The following RANBP10 variants were observed in gnomAD, a reference collection of about 807,000 sequenced individuals.
RANBP10 encodes the protein ran-binding protein 10.
Under a neutral mutation model 72.8 loss-of-function variants are expected in RANBP10, and 24 were observed. That is an observed-to-expected ratio of 0.33 (90% CI 0.24 to 0.46). RANBP10 has a LOEUF of 0.46. Ranked by LOEUF, RANBP10 falls within the 20% of genes least tolerant of loss-of-function variation. RANBP10 has a pLI of 1.00. For synonymous variants in RANBP10, 310 were observed against 322.3 expected, an observed-to-expected ratio of 0.96 and a Z score of 0.41; for missense variants, 679 against 817.5, an observed-to-expected ratio of 0.83 and a Z score of 2.07.
In RANBP10 at chr16:67,726,519, G is replaced by A; in HGVS notation, c.1772C>T (p.Ala591Val). The change falls in exon 14 of 14, where the codon GCC becomes GTC. Residue 591 changes from alanine to valine, a missense_variant. Coordinates refer to ENST00000317506, the MANE Select transcript of RANBP10 (RefSeq NM_020850.3). ...GAGACACTCAGATGCCTGGCCCAGG[G>A]CGAGCATCAGAGGGGGCTGCTTTGG... is the stretch of plus-strand genomic sequence containing the variant. ...NLPKQPPLML[A>V]LGQASECLRL... 1 of 1,575,420 alleles carries A rather than the reference G, an allele frequency of 6.3e-7. No individual in the cohort carries two copies. Among genetic ancestry groups the A allele is most frequent in the Non-Finnish European group, 8.6e-7 (1 of 1,160,218 alleles).
intron 3 of RANBP10, among the ~76,000 whole-genome samples, chr16:67,764,726 C>T (rs2054464162): frequency 6.6e-6 from 1 of 152,150 alleles, no homozygotes; most frequent in South Asian, 2.1e-4. Flanking sequence ...AATAAACAGA[C>T]ATATGTCATT....
chr16:67,748,578 A>G (rs2054132960), intron 3 of RANBP10, among the ~76,000 whole-genome samples: 1 of 151,906 alleles, frequency 6.6e-6, no homozygotes, highest in South Asian at 2.1e-4. Context: ...ATATATTACT[A>G]TTATTTGTAC....
intron 3 of RANBP10, among the ~76,000 whole-genome samples, chr16:67,753,051 G>A (rs2054225480): frequency 6.6e-6 from 1 of 151,760 alleles, no homozygotes. Flanking sequence ...ACCAGCCTGG[G>A]CAACATGGTG....
chr16:67,734,525 A>G (rs1425436745), intron 6 of RANBP10, among the ~76,000 whole-genome samples: 2 of 152,250 alleles, frequency 1.3e-5, no homozygotes, highest in Admixed American at 1.3e-4. Flanking sequence ...AAAAGGGTCC[A>G]CAGAGGAAGA....
intron 2 of RANBP10, among the ~76,000 whole-genome samples, chr16:67,794,849 C>T (rs1215842611): frequency 7.1e-6 from 1 of 141,840 alleles, no homozygotes; most frequent in Non-Finnish European, 1.5e-5. Flanking sequence ...TATTCTTTAA[C>T]AGTTAAAAAA....
At chr16:67,752,101 G>T (rs1022836885) in intron 3 of RANBP10, among the ~76,000 whole-genome samples, 1 of 152,040 alleles carries the variant, frequency 6.6e-6, no homozygotes, top group Non-Finnish European at 1.5e-5. Flanking sequence ...TTTCCCAGAG[G>T]GGAAAAATAC....
intron 2 of RANBP10, among the ~76,000 whole-genome samples, chr16:67,793,398 G>A (rs1340924110): frequency 6.8e-6 from 1 of 147,052 alleles, no homozygotes; most frequent in Admixed American, 7.1e-5. Flanking sequence ...TGCAACCTCC[G>A]CTTCCCAGGT....
At chr16:67,748,118 C>T (rs2054123306) in intron 3 of RANBP10, among the ~76,000 whole-genome samples, 1 of 151,910 alleles carries the variant, frequency 6.6e-6, no homozygotes. Context: ...AGCCACTGCG[C>T]CCGGCCCTCA....
chr16:67,794,423 C>T (rs982166058), intron 2 of RANBP10, among the ~76,000 whole-genome samples: 1 of 150,738 alleles, frequency 6.6e-6, no homozygotes, highest in Non-Finnish European at 1.5e-5. Flanking sequence ...GGTGACACAG[C>T]GAGACTCCGT....
chr16:67,744,572 A>T (rs2054032722), intron 3 of RANBP10, 117 bp from the exon 4 acceptor site: 3 of 1,137,146 alleles, frequency 2.6e-6, no homozygotes, highest in South Asian at 3.2e-5. Context: ...CTCTGTCAGC[A>T]CTCTTGGCTT....
At chr16:67,806,253 C>A (rs1392986351) in intron 1 of RANBP10, 49 bp downstream of exon 1, 1 of 1,522,106 alleles carries the variant, frequency 6.6e-7, no homozygotes, top group African/African-American at 1.4e-5. Context: ...AGCAGAGCCA[C>A]CCCACGGACG....
intron 4 of RANBP10, among the ~76,000 whole-genome samples, chr16:67,742,287 CTCT>C (rs2053984688): frequency 6.6e-6 from 1 of 152,134 alleles, no homozygotes; most frequent in South Asian, 2.1e-4. Flanking sequence ...TCTTAACCTT[CTCT>C]TCTTCCTATA....
chr16:67,804,008 A>G (rs962509027), intron 2 of RANBP10, among the ~76,000 whole-genome samples: 4 of 151,918 alleles, frequency 2.6e-5, no homozygotes, highest in Non-Finnish European at 5.9e-5. Context: ...GAGACCTCTC[A>G]GGCAGAGAAG....
chr16:67,802,052 G>T (rs911298717), intron 2 of RANBP10, among the ~76,000 whole-genome samples: 2 of 150,442 alleles, frequency 1.3e-5, no homozygotes, highest in Admixed American at 1.3e-4. Context: ...CTGTGATCAT[G>T]CCATTGCACT....
chr16:67,777,171 T>C (rs953437108), intron 2 of RANBP10, among the ~76,000 whole-genome samples: 1 of 149,342 alleles, frequency 6.7e-6, no homozygotes, highest in African/African-American at 2.5e-5. Context: ...TACCGCAGCA[T>C]TGCACTCTAG....
chr16:67,775,630 C>T (rs372477253), intron 2 of RANBP10, among the ~76,000 whole-genome samples: 5 of 151,664 alleles, frequency 3.3e-5, no homozygotes, highest in South Asian at 2.1e-4. Flanking sequence ...CTAGGCAACA[C>T]GGCAATATCC....
chr16:67,776,451 G>A lies in RANBP10; in HGVS notation c.348-4365C>T, dbSNP rs533327369. ...CACTCCAGCCCGGACAACAGACACG[G>A]ACTCCATCTCAAAAAAAAAAAAAAA... On this transcript the variant is annotated intron_variant, in intron 2 of 13. Transcript: ENST00000317506. Among the ~76,000 whole-genome samples, 3 of 120,260 alleles carry A rather than the reference G, an allele frequency of 2.5e-5. No homozygotes were observed. The South Asian group carries it at 8.5e-4, about 34-fold the overall frequency. The allele number at this position is 120,260 out of a possible 152,430, so 78.9% of individuals were successfully genotyped here.
At chr16:67,765,121 G>GAA (rs1555554132) in intron 3 of RANBP10, among the ~76,000 whole-genome samples, 2 of 137,134 alleles carry the variant, frequency 1.5e-5, no homozygotes, top group South Asian at 2.3e-4. Context: ...AGAATCACTT[G>GAA]CCCAGGAGGC....
intron 2 of RANBP10, among the ~76,000 whole-genome samples, chr16:67,781,771 T>C (rs568462461): frequency 9.2e-5 from 14 of 152,182 alleles, no homozygotes; most frequent in South Asian, 2.1e-4. Flanking sequence ...CTGCCCTATC[T>C]AGCTCAAGAG....
Sources: gnomAD v4.1 joint callset for allele counts (sites outside exome capture counted in the v4.1 genomes callset) on GRCh38, gnomAD v4.1.1 for gene constraint, MANE v1.5 for transcripts, NCBI Gene and HGNC (gene_info 2026-07-23, HGNC 2026-07-21) for gene names.